PDE4D: variants seen among roughly 807,000 people sequenced by gnomAD.
PDE4D encodes the protein phosphodiesterase 4D.
In PDE4D, 24 loss-of-function variants were observed where a neutral mutation model predicts 87.4. The ratio of observed to expected loss-of-function variants is 0.27; its 90% CI spans 0.20 to 0.39. The LOEUF is 0.39. Ranked by LOEUF, PDE4D falls within the 10% of genes least tolerant of loss-of-function variation. The pLI is 1.00. For missense variants in PDE4D, 714 were observed against 1,041.0 expected (o/e 0.69, Z 4.32); for synonymous variants, 384 against 383.2 (o/e 1.00, Z -0.02).
chr5:59,410,078 T>G (rs887977144), intron 1 of PDE4D, among the ~76,000 whole-genome samples: 1 of 152,198 alleles, frequency 6.6e-6, no homozygotes, highest in African/African-American at 2.4e-5. Flanking sequence ...TTACAAACAT[T>G]CCAATTATAT....
At chr5:59,302,006 C>T (rs902305866) in intron 1 of PDE4D, among the ~76,000 whole-genome samples, 7 of 152,198 alleles carry the variant, frequency 4.6e-5, no homozygotes, top group African/African-American at 9.6e-5. Flanking sequence ...GGCCTTCCTT[C>T]GGGGATATGT....
chr5:59,305,814 C>T (rs1430319504), intron 1 of PDE4D, among the ~76,000 whole-genome samples: 1 of 152,068 alleles, frequency 6.6e-6, no homozygotes, highest in Admixed American at 6.6e-5. Context: ...CATTTTATGG[C>T]CTATCATATG....
At chr5:59,538,794 C>G (rs1473790423) in intron 1 of PDE4D, among the ~76,000 whole-genome samples, 3 of 152,174 alleles carry the variant, frequency 2.0e-5, no homozygotes, top group African/African-American at 7.2e-5. Context: ...TCAGCTTCAT[C>G]TCCCATCATT....
chr5:60,267,125 T>C (rs371642776), intron 1 of PDE4D, among the ~76,000 whole-genome samples: 5 of 152,194 alleles, frequency 3.3e-5, no homozygotes, highest in African/African-American at 1.2e-4. Context: ...GACGTAAAAC[T>C]GTCCGTGTGT....
intron 1 of PDE4D, among the ~76,000 whole-genome samples, chr5:59,270,268 A>T (rs1034681813): frequency 6.6e-6 from 1 of 152,192 alleles, no homozygotes; most frequent in Non-Finnish European, 1.5e-5. Flanking sequence ...AAACCAAATC[A>T]TAATATATAT....
At chr5:59,635,358 A>G (rs2150165355) in intron 1 of PDE4D, among the ~76,000 whole-genome samples, 1 of 152,344 alleles carries the variant, frequency 6.6e-6, no homozygotes, top group East Asian at 1.9e-4. Context: ...AATCAATAGA[A>G]AAAGAGGGAC....
intron 1 of PDE4D, among the ~76,000 whole-genome samples, chr5:59,639,104 CATTA>C (rs2150183089): frequency 6.6e-6 from 1 of 152,174 alleles, no homozygotes; most frequent in East Asian, 1.9e-4. Context: ...TTTCTATGCA[CATTA>C]TTTAATAATT....
At chr5:59,601,085 T>A (rs990604131) in intron 1 of PDE4D, among the ~76,000 whole-genome samples, 1 of 152,194 alleles carries the variant, frequency 6.6e-6, no homozygotes, top group Non-Finnish European at 1.5e-5. Flanking sequence ...CATCCTATGA[T>A]GTGGGTGTGC....
At chr5:59,647,028 C>G (rs1742575710) in intron 1 of PDE4D, among the ~76,000 whole-genome samples, 1 of 152,054 alleles carries the variant, frequency 6.6e-6, no homozygotes, top group Non-Finnish European at 1.5e-5. Context: ...GAGAGAGACT[C>G]TATCTCAAAC....
intron 1 of PDE4D, among the ~76,000 whole-genome samples, chr5:60,283,313 A>G (rs1480436838): frequency 6.6e-6 from 1 of 152,062 alleles, no homozygotes; most frequent in Non-Finnish European, 1.5e-5. Flanking sequence ...TATATAGGAG[A>G]TAGTTGACTT....
intron 5 of PDE4D, among the ~76,000 whole-genome samples, chr5:59,081,016 T>C (rs1178079246): frequency 6.6e-6 from 1 of 152,156 alleles, no homozygotes; most frequent in African/African-American, 2.4e-5. Flanking sequence ...CAAACATGAA[T>C]AGATTAACTT....
intron 1 of PDE4D, among the ~76,000 whole-genome samples, chr5:59,651,908 G>C (rs1580169036): frequency 6.6e-6 from 1 of 152,136 alleles, no homozygotes; most frequent in African/African-American, 2.4e-5. Context: ...AGTGCTCTCA[G>C]CTGTCAGCCC....
intron 1 of PDE4D, among the ~76,000 whole-genome samples, chr5:59,600,495 T>C (rs1827343314): frequency 6.6e-6 from 1 of 152,160 alleles, no homozygotes; most frequent in Non-Finnish European, 1.5e-5. Context: ...ACCTTGAAAA[T>C]TCATGTTATA....
At chr5:59,075,067 GCTTACAAAA>G (rs1765453206) in intron 5 of PDE4D, among the ~76,000 whole-genome samples, 1 of 131,252 alleles carries the variant, frequency 7.6e-6, no homozygotes, top group Non-Finnish European at 1.6e-5. Context: ...GGAGTAAAAA[GCTTACAAAA>G]CACACACACA....
chr5:59,016,421 C>CTAT (rs1363172565), intron 6 of PDE4D, among the ~76,000 whole-genome samples: 1 of 123,124 alleles, frequency 8.1e-6, no homozygotes, highest in Non-Finnish European at 1.6e-5. Flanking sequence ...TAATGTAGTC[C>CTAT]ATAGGAATCT....
rs535844855 is a variant in PDE4D at position 59,340,687 on chromosome 5, C to G, written c.456-124719G>C. 3.3e-5 allele frequency among the ~76,000 whole-genome samples: 5 copies of G among 152,308 alleles called. No individual in the cohort carries two copies. The East Asian group carries it at 9.6e-4, about 29-fold the overall frequency. On this transcript the variant is annotated intron_variant, in intron 1 of 14. Transcript: ENST00000340635. Reference sequence around the variant, plus strand: ...TCCACTCCCACACCCCTGCCACTCACTACCCTTCCTAGGTTCTGATAACCA... The same window carrying G: ...TCCACTCCCACACCCCTGCCACTCAGTACCCTTCCTAGGTTCTGATAACCA...
rs1802300610 is a variant in PDE4D, at chr5:59,470,648, G to A, written c.456-254680C>T. On this transcript the variant is annotated intron_variant, in intron 1 of 14. Coordinates refer to ENST00000340635, the MANE Select transcript of PDE4D (RefSeq NM_001104631.2). ...CTTGAGCTATTTTTATCTGAATAAT[G>A]TAAATTGAGAAATTGATTTACTTTG... is the stretch of plus-strand genomic sequence containing the variant. Among the ~76,000 whole-genome samples, 3 of 152,190 alleles carry A rather than the reference G, an allele frequency of 2.0e-5. No individual in the cohort carries two copies. The South Asian group carries it at 6.2e-4, about 32-fold the overall frequency.
At chr5:60,103,425 G>A (rs1420505721) in intron 2 of PDE4D, among the ~76,000 whole-genome samples, 1 of 152,154 alleles carries the variant, frequency 6.6e-6, no homozygotes, top group Admixed American at 6.5e-5. Flanking sequence ...AAAGAGGGGA[G>A]TAATTCCCAT....
chr5:59,045,819 T>G (rs2968011), intron 5 of PDE4D, among the ~76,000 whole-genome samples: 90,703 of 152,002 alleles, frequency 0.6, 27,487 homozygotes, highest in East Asian at 0.85. Context: ...TAATGGAATT[T>G]AAGAAAGTAA....
Sources: allele counts gnomAD v4.1 joint callset (sites outside exome capture counted in the v4.1 genomes callset), GRCh38; gene constraint gnomAD v4.1.1; transcripts MANE v1.5; gene names NCBI Gene and HGNC (gene_info 2026-07-23, HGNC 2026-07-21).